The following ADAMTS17 variants were observed in gnomAD, a reference collection of about 807,000 sequenced individuals.
ADAMTS17 encodes A disintegrin and metalloproteinase with thrombospondin motifs 17.
In ADAMTS17, 113 loss-of-function variants were observed where a neutral mutation model predicts 141.5. The ratio of observed to expected loss-of-function variants is 0.80; its 90% CI spans 0.69 to 0.93. The LOEUF is 0.93. Among genes scored for constraint, ADAMTS17 ranks in the 40% least tolerant of loss-of-function variants. The pLI is 0.00. For missense variants in ADAMTS17, 1,659 were observed against 1,517.9 expected (o/e 1.09, Z -1.54); for synonymous variants, 768 against 630.6 (o/e 1.22, Z -3.27).
intron 17 of ADAMTS17, among the ~76,000 whole-genome samples, chr15:100,049,780 T>C (rs2141581453): frequency 6.6e-6 from 1 of 152,260 alleles, no homozygotes; most frequent in East Asian, 1.9e-4. Context: ...ACAGTGGCCA[T>C]AGTGTCAACA....
rs1307631581 is a variant in ADAMTS17, at chr15:99,972,181, G to C, written c.*2221C>G. 6.6e-6 allele frequency: 1 copy of C among 152,222 alleles called. No individual in the cohort carries two copies. The highest frequency in any genetic ancestry group is 2.4e-5 in the African/African-American group (1 of 41,440). The allele number at this position is 152,222 out of a possible 1,614,324, so 9.4% of individuals were successfully genotyped here. On this transcript the variant is annotated 3_prime_UTR_variant, in exon 22 of 22. Coordinates refer to ENST00000268070, the MANE Select transcript of ADAMTS17 (RefSeq NM_139057.4). ...CAGAAGAATGGCCTGAACCCGGGAG[G>C]CGGAGCTTTCAATGAGCTGAGATCG...
intron 18 of ADAMTS17, among the ~76,000 whole-genome samples, chr15:100,022,668 G>A (rs752970668): frequency 2.0e-5 from 3 of 152,080 alleles, no homozygotes; most frequent in African/African-American, 4.8e-5. Flanking sequence ...CAGTGAACCC[G>A]GTCCAAAACT....
intron 15 of ADAMTS17, among the ~76,000 whole-genome samples, chr15:100,059,111 C>T (rs1445407304): frequency 1.3e-5 from 2 of 152,224 alleles, no homozygotes; most frequent in Non-Finnish European, 2.9e-5. Context: ...TGTGGGGGCA[C>T]TCCAACGAAT....
Position 100,224,754 on chromosome 15 carries a change from C to T in ADAMTS17, c.1076-25331G>A, listed in dbSNP as rs144001922. Among the ~76,000 whole-genome samples, 713 of 152,346 alleles carry T rather than the reference C, an allele frequency of 4.7e-3. 15 individuals are homozygous for T. In the South Asian group the frequency reaches 0.062, roughly 13 times the overall value. On this transcript the variant is annotated intron_variant, in intron 7 of 21. Coordinates refer to ENST00000268070, the MANE Select transcript of ADAMTS17 (RefSeq NM_139057.4). ...CTGCACTGACCGCACCAGGCATTGA[C>T]ATTCTAGGAAAGGGGAATCCCTCCA... is the stretch of plus-strand genomic sequence containing the variant.
At position 100,154,419 on chromosome 15, in the gene ADAMTS17, T is replaced by C. The variant is rs112673798; in HGVS notation, c.1322+761A>G. On this transcript the variant is annotated intron_variant, in intron 9 of 21. Coordinates refer to ENST00000268070, the MANE Select transcript of ADAMTS17 (RefSeq NM_139057.4). ...GGATGGCACCTTTGCCACTACATCC[T>C]GAATTCGTCGGGTACTTGAATGTGC... is the stretch of plus-strand genomic sequence containing the variant. 5.9e-5 allele frequency among the ~76,000 whole-genome samples: 9 copies of C among 152,318 alleles called. 1 individual carries two copies. The highest frequency in any genetic ancestry group is 2.2e-4 in the African/African-American group (9 of 41,560).
chr15:100,090,998 A>T (rs8042223), intron 15 of ADAMTS17, among the ~76,000 whole-genome samples: 24,737 of 133,008 alleles, frequency 0.19, 2,753 homozygotes, highest in East Asian at 0.49. Context: ...GCAGAGTGAG[A>T]CTCCGTCTCA....
At chr15:100,220,077 G>T (rs1049124170) in intron 7 of ADAMTS17, among the ~76,000 whole-genome samples, 2 of 152,092 alleles carry the variant, frequency 1.3e-5, no homozygotes, top group Non-Finnish European at 2.9e-5. Flanking sequence ...ACCTTCTGAT[G>T]CATGAAGTCT....
chr15:100,281,831 C>A (rs1248349569), intron 3 of ADAMTS17, among the ~76,000 whole-genome samples: 2 of 152,152 alleles, frequency 1.3e-5, no homozygotes, highest in African/African-American at 2.4e-5. Flanking sequence ...CAGGACACTC[C>A]CCTGGGGGCT....
intron 4 of ADAMTS17, among the ~76,000 whole-genome samples, chr15:100,269,635 C>T (rs901071793): frequency 3.9e-5 from 6 of 152,108 alleles, no homozygotes; most frequent in African/African-American, 4.8e-5. Flanking sequence ...GGATTCCCTT[C>T]GGGGCTCTGA....
Position 100,011,432 on chromosome 15 carries a change from G to A in ADAMTS17, c.2592-13843C>T, listed in dbSNP as rs2061178967. Among the ~76,000 whole-genome samples the A allele has an allele frequency of 5.4e-5, 7 of 129,474 alleles. No homozygotes were observed. The South Asian group carries it at 1.4e-3, about 25-fold the overall frequency. 84.9% of individuals were successfully genotyped at this position (129,474 alleles called of 152,430 possible). A position where few individuals can be genotyped will look rare whatever the true frequency, so the allele number is the denominator to read the frequency against. ...GAAAGGAAAGAAGAAAGGGAGGAAT[G>A]AGGAAAGGAAAAGAAGGAAGGAAGG... On this transcript the variant is annotated intron_variant, in intron 18 of 21. Coordinates refer to ENST00000268070, the MANE Select transcript of ADAMTS17 (RefSeq NM_139057.4).
chr15:100,214,888 C>A (rs1344297364), intron 7 of ADAMTS17, among the ~76,000 whole-genome samples: 1 of 152,250 alleles, frequency 6.6e-6, no homozygotes, highest in Non-Finnish European at 1.5e-5. Context: ...TAAAGCTTTG[C>A]TGTTGCACTG....
At chr15:99,977,617 T>C (rs773311138) in intron 20 of ADAMTS17, among the ~76,000 whole-genome samples, 8 of 151,260 alleles carry the variant, frequency 5.3e-5, no homozygotes, top group South Asian at 2.1e-4. Flanking sequence ...GGCTTCATCA[T>C]ATTGGCCAGA....
intron 19 of ADAMTS17, among the ~76,000 whole-genome samples, chr15:99,995,157 G>A (rs752719060): frequency 6.6e-6 from 1 of 152,202 alleles, no homozygotes; most frequent in Non-Finnish European, 1.5e-5. Flanking sequence ...GCACTGCAGG[G>A]CTACCCCTTG....
chr15:100,112,978 A>G (rs1161623438), intron 13 of ADAMTS17, among the ~76,000 whole-genome samples: 7 of 152,150 alleles, frequency 4.6e-5, no homozygotes, highest in Admixed American at 6.5e-5. Context: ...AGGTCTTAGT[A>G]TGGTGGGGAC....
intron 4 of ADAMTS17, among the ~76,000 whole-genome samples, chr15:100,279,302 T>TC: frequency 1.3e-5 from 2 of 152,294 alleles, no homozygotes; most frequent in South Asian, 4.1e-4. Context: ...ACCCCTGAGC[T>TC]CCAGCGCTCA....
At chr15:100,139,179 A>G (rs921226931) in intron 10 of ADAMTS17, among the ~76,000 whole-genome samples, 1 of 152,218 alleles carries the variant, frequency 6.6e-6, no homozygotes, top group Non-Finnish European at 1.5e-5. Context: ...AAAAGGGGAG[A>G]AAAGTACAAC....
chr15:100,048,767 T>C lies in ADAMTS17; in HGVS notation c.2591+90A>G, dbSNP rs2031909309. The C allele has an allele frequency of 1.2e-5, 19 of 1,565,298 alleles. No individual in the cohort carries two copies. The South Asian group carries it at 1.9e-4, about 16-fold the overall frequency. On this transcript the variant is annotated intron_variant, in intron 18 of 21. Coordinates refer to ENST00000268070, the MANE Select transcript of ADAMTS17 (RefSeq NM_139057.4). ...AACGGAACACAGCATAGAGCAGTAC[T>C]GTGGCATTAACTGCATATCACTCCC...
intron 9 of ADAMTS17, among the ~76,000 whole-genome samples, chr15:100,154,609 G>A (rs777770850): frequency 5.3e-5 from 8 of 152,158 alleles, no homozygotes; most frequent in Admixed American, 3.3e-4. Flanking sequence ...GACCGGCACC[G>A]TCCACAGGTA....
At chr15:100,195,767 A>G (rs1396550381) in intron 8 of ADAMTS17, among the ~76,000 whole-genome samples, 1 of 152,162 alleles carries the variant, frequency 6.6e-6, no homozygotes, top group Non-Finnish European at 1.5e-5. Flanking sequence ...ACACATGGAC[A>G]TTTACTTCCC....
Sources: gnomAD v4.1 joint callset for allele counts (sites outside exome capture counted in the v4.1 genomes callset) on GRCh38, gnomAD v4.1.1 for gene constraint, MANE v1.5 for transcripts, NCBI Gene and HGNC (gene_info 2026-07-23, HGNC 2026-07-21) for gene names.